The following DIP2C variants were observed in gnomAD, a reference collection of about 807,000 sequenced individuals.
DIP2C encodes DIP2 acetate--CoA ligase C (putative), also known as disco-interacting protein 2 homolog C.
In DIP2C, 33 loss-of-function variants were observed where a neutral mutation model predicts 192.4. The observed-to-expected ratio is 0.17, with a 90% CI of 0.13 to 0.23. DIP2C has a LOEUF of 0.23. Among genes scored for constraint, DIP2C ranks in the 10% least tolerant of loss-of-function variants. The probability of loss-of-function intolerance (pLI) is 1.00; values close to 1 mark genes in which losing one functional copy is unlikely to be tolerated. For missense variants in DIP2C, 1,537 were observed against 2,110.1 expected, an observed-to-expected ratio of 0.73 and a Z score of 5.32; for synonymous variants, 979 against 864.1, an observed-to-expected ratio of 1.13 and a Z score of -2.33.
At chr10:334,734 CCATA>C (rs1374339067) in intron 29 of DIP2C, among the ~76,000 whole-genome samples, 6 of 152,168 alleles carry the variant, frequency 3.9e-5, no homozygotes, top group Non-Finnish European at 7.3e-5. Context: ...AATTATTTGA[CCATA>C]AATATAAGGG....
intron 17 of DIP2C, among the ~76,000 whole-genome samples, chr10:376,070 T>C (rs935232605): frequency 2.0e-5 from 3 of 152,228 alleles, no homozygotes; most frequent in African/African-American, 4.8e-5. Flanking sequence ...ATTCTTACTA[T>C]GTACCAGGCG....
At chr10:653,572 T>C (rs1300729103) in intron 1 of DIP2C, among the ~76,000 whole-genome samples, 1 of 152,242 alleles carries the variant, frequency 6.6e-6, no homozygotes, top group Non-Finnish European at 1.5e-5. Context: ...TGAGCTACGC[T>C]GCAAGTCTCA....
At chr10:513,060 T>C (rs1322133841) in intron 1 of DIP2C, among the ~76,000 whole-genome samples, 2 of 151,898 alleles carry the variant, frequency 1.3e-5, no homozygotes, top group Non-Finnish European at 2.9e-5. Flanking sequence ...CCTACAAATA[T>C]AGCTCAAAAC....
chr10:517,022 A>C (rs974125970), intron 1 of DIP2C, among the ~76,000 whole-genome samples: 1 of 151,584 alleles, frequency 6.6e-6, no homozygotes, highest in Non-Finnish European at 1.5e-5. Context: ...GGGCTTCCTC[A>C]CTGTGGGGGT....
chr10:683,250 G>A (rs75910337), intron 1 of DIP2C, among the ~76,000 whole-genome samples: 1,888 of 152,330 alleles, frequency 0.012, 30 homozygotes, highest in African/African-American at 0.043. Context: ...AAGGCAGGAC[G>A]GTTGTGCAGG....
At position 275,229 on chromosome 10, in the gene DIP2C, G is replaced by A. The variant is rs900658236; in HGVS notation, c.*2096C>T. The A allele has an allele frequency of 6.6e-6, 1 of 152,244 alleles. No individual in the cohort carries two copies. The highest frequency in any genetic ancestry group is 2.4e-5 in the African/African-American group (1 of 41,452). 9.4% of individuals were successfully genotyped at this position (152,244 alleles called of 1,614,324 possible). A position where few individuals can be genotyped will look rare whatever the true frequency, so the allele number is the denominator to read the frequency against. On this transcript the variant is annotated 3_prime_UTR_variant, in exon 37 of 37. Coordinates refer to ENST00000280886, the MANE Select transcript of DIP2C (RefSeq NM_014974.3). Reference sequence around the variant, plus strand: ...AGCTAATGTTTCATAGTCAGTGCCTGGCCTGAAGCCCCAAACCTACCTCCC... The same window carrying A: ...AGCTAATGTTTCATAGTCAGTGCCTAGCCTGAAGCCCCAAACCTACCTCCC...
At position 589,519 on chromosome 10, in the gene DIP2C, T is replaced by TTC. The variant is rs376479678; in HGVS notation, c.85+99973_85+99974dup. On this transcript the variant is annotated intron_variant, in intron 1 of 36. Transcript: ENST00000280886. ...TTTCATACAGGAATTTCTCCTTGTT[T>TTC]TCACTCTTTTGCATATGGCTGTCCG... Among the ~76,000 whole-genome samples, 587 of 152,342 alleles carry TTC rather than the reference T, an allele frequency of 3.9e-3. 6 individuals are homozygous for TTC. Among genetic ancestry groups the TTC allele is most frequent in the African/African-American group, 0.013 (556 of 41,570 alleles).
intron 1 of DIP2C, among the ~76,000 whole-genome samples, chr10:542,221 G>A (rs955621229): frequency 2.6e-5 from 4 of 152,116 alleles, no homozygotes; most frequent in Non-Finnish European, 4.4e-5. Flanking sequence ...CTGCCTCTGC[G>A]AGTTACCTCC....
At chr10:292,057 CT>C (rs1419241947) in intron 32 of DIP2C, among the ~76,000 whole-genome samples, 1 of 152,270 alleles carries the variant, frequency 6.6e-6, no homozygotes, top group East Asian at 1.9e-4. Flanking sequence ...TGTGCCGAGG[CT>C]GGCGTCCAGC....
At chr10:607,846 G>T (rs969899868) in intron 1 of DIP2C, among the ~76,000 whole-genome samples, 3 of 151,944 alleles carry the variant, frequency 2.0e-5, no homozygotes, top group Non-Finnish European at 2.9e-5. Context: ...CAATCTACAG[G>T]TTCAAACAAA....
rs189811181 is a variant in DIP2C, at chr10:640,666, C to T, written c.85+48828G>A. Among the ~76,000 whole-genome samples, 650 of 140,928 alleles carry T rather than the reference C, an allele frequency of 4.6e-3. 7 individuals are homozygous for T. The highest frequency in any genetic ancestry group is 0.019 in the African/African-American group (610 of 32,358). 92.5% of individuals were successfully genotyped at this position (140,928 alleles called of 152,430 possible). On this transcript the variant is annotated intron_variant, in intron 1 of 36. Transcript: ENST00000280886. ...GGGTGCGCGCGGGGAAGAGGGTGCG[C>T]GCGGGGATGAGGGTGCGCGCGGGGA...
At chr10:416,748 G>GA in intron 6 of DIP2C, among the ~76,000 whole-genome samples, 1 of 152,178 alleles carries the variant, frequency 6.6e-6, no homozygotes, top group African/African-American at 2.4e-5. Context: ...AGACGCTGAT[G>GA]CCACAACTAG....
At chr10:280,084 G>A (rs1173257424) in intron 36 of DIP2C, among the ~76,000 whole-genome samples, 1 of 151,978 alleles carries the variant, frequency 6.6e-6, no homozygotes, top group Non-Finnish European at 1.5e-5. Context: ...TATACTCAAG[G>A]AGAGAAGTGT....
intron 8 of DIP2C, among the ~76,000 whole-genome samples, chr10:411,788 G>A (rs1965206345): frequency 6.6e-6 from 1 of 152,154 alleles, no homozygotes; most frequent in East Asian, 1.9e-4. Flanking sequence ...ACTCATCGTA[G>A]CAACACCCAG....
chr10:423,142 C>T, intron 4 of DIP2C, 109 bp from the exon 5 acceptor site: 1 of 1,075,264 alleles, frequency 9.3e-7, no homozygotes, highest in Non-Finnish European at 1.3e-6. Flanking sequence ...AATAGTTGTT[C>T]AATGACTTTT....
chr10:612,583 C>T (rs576708619), intron 1 of DIP2C, among the ~76,000 whole-genome samples: 1 of 152,276 alleles, frequency 6.6e-6, no homozygotes, highest in South Asian at 2.1e-4. Context: ...TATGAACCCT[C>T]CCATCTGCAT....
intron 1 of DIP2C, among the ~76,000 whole-genome samples, chr10:488,256 C>T (rs2133567369): frequency 6.6e-6 from 1 of 152,298 alleles, no homozygotes; most frequent in Non-Finnish European, 1.5e-5. Context: ...CGAGGCTGAG[C>T]CCAGCTTCCA....
chr10:478,774 C>G (rs1843368445), intron 2 of DIP2C, among the ~76,000 whole-genome samples: 2 of 149,298 alleles, frequency 1.3e-5, no homozygotes, highest in Non-Finnish European at 3.0e-5. Context: ...ATCGCGTGTC[C>G]AGGCGTGCAG....
At chr10:303,527 T>C (rs1302753157) in intron 32 of DIP2C, among the ~76,000 whole-genome samples, 2 of 152,144 alleles carry the variant, frequency 1.3e-5, no homozygotes, top group African/African-American at 4.8e-5. Flanking sequence ...TTTACTTTTT[T>C]TTTTTCTTTT....
Sources: gnomAD v4.1 joint callset for allele counts (sites outside exome capture counted in the v4.1 genomes callset) on GRCh38, gnomAD v4.1.1 for gene constraint, MANE v1.5 for transcripts, NCBI Gene and HGNC (gene_info 2026-07-23, HGNC 2026-07-21) for gene names.